Variants in BCL7A observed in about 807,000 individuals in gnomAD.
BCL7A encodes B-cell CLL/lymphoma 7 protein family member A.
BCL7A carries 11 observed loss-of-function variants against 28.4 expected under a neutral mutation model. The ratio of observed to expected loss-of-function variants is 0.39; its 90% CI spans 0.24 to 0.64. The LOEUF is 0.64. Ranked by LOEUF, BCL7A falls within the 30% of genes least tolerant of loss-of-function variation. BCL7A has a pLI of 0.50. For missense variants in BCL7A, 222 were observed against 274.8 expected, an observed-to-expected ratio of 0.81 and a Z score of 1.36; for synonymous variants, 123 against 103.3, an observed-to-expected ratio of 1.19 and a Z score of -1.15.
rs944890419 is a variant in BCL7A at position 122,060,516 on chromosome 12, A to G, written c.*1353A>G. Reference sequence around the variant, plus strand: ...AGACGCCCCCTTGGACGAACTGCCTAATCGTTTGGTTCTGAGGCCTGGTTT... The same window carrying G: ...AGACGCCCCCTTGGACGAACTGCCTGATCGTTTGGTTCTGAGGCCTGGTTT... On this transcript the variant is annotated 3_prime_UTR_variant, in exon 6 of 6. Transcript: ENST00000261822. 1.3e-5 allele frequency: 3 copies of G among 232,964 alleles called. No homozygotes were observed. The highest frequency in any genetic ancestry group is 6.6e-5 in the African/African-American group (3 of 45,280). 14.4% of individuals were successfully genotyped at this position (232,964 alleles called of 1,614,324 possible).
intron 5 of BCL7A, among the ~76,000 whole-genome samples, chr12:122,057,835 C>A (rs1376244463): frequency 2.0e-5 from 3 of 152,292 alleles, no homozygotes; most frequent in African/African-American, 7.2e-5. Flanking sequence ...CTGTGCCCAG[C>A]CCTGCAGGAG....
At chr12:122,023,826 G>C (rs920602203) in intron 1 of BCL7A, among the ~76,000 whole-genome samples, 1 of 152,168 alleles carries the variant, frequency 6.6e-6, no homozygotes, top group Admixed American at 6.5e-5. Context: ...GCCCGGAGTT[G>C]CTCCCCTCCT....
In BCL7A at chr12:122,028,999, C is replaced by G. The variant is rs533154670; in HGVS notation, c.93-1701C>G. Among the ~76,000 whole-genome samples the G allele has an allele frequency of 4.6e-5, 7 of 152,242 alleles. No individual in the cohort carries two copies. The East Asian group carries it at 1.4e-3, about 29-fold the overall frequency. ...AGACGGGCCAGTGGACTTAGACACT[C>G]GTCTTTCCTGCATCGTTTCTGGGTG... is the stretch of plus-strand genomic sequence containing the variant. On this transcript the variant is annotated intron_variant, in intron 1 of 5. Transcript: ENST00000261822.
intron 4 of BCL7A, 149 bp downstream of exon 4, chr12:122,044,202 G>T (rs1008069508): frequency 2.2e-6 from 2 of 921,446 alleles, no homozygotes; most frequent in African/African-American, 1.7e-5. Context: ...ACATGGTCTC[G>T]TGGGGGAATT....
At chr12:122,030,154 C>T (rs555445036) in intron 1 of BCL7A, among the ~76,000 whole-genome samples, 1 of 152,330 alleles carries the variant, frequency 6.6e-6, no homozygotes, top group African/African-American at 2.4e-5. Context: ...GTCACCACTC[C>T]CTGGCTCTCC....
At chr12:122,046,597 C>G (rs569729518) in intron 4 of BCL7A, among the ~76,000 whole-genome samples, 2 of 152,342 alleles carry the variant, frequency 1.3e-5, no homozygotes, top group East Asian at 3.9e-4. Flanking sequence ...TGCAGACAGA[C>G]TCTATCCAGC....
intron 4 of BCL7A, among the ~76,000 whole-genome samples, chr12:122,051,317 G>A (rs1028514826): frequency 6.6e-6 from 1 of 152,164 alleles, no homozygotes; most frequent in African/African-American, 2.4e-5. Context: ...GGACAGACCC[G>A]TGTGGCCTTC....
intron 4 of BCL7A, among the ~76,000 whole-genome samples, chr12:122,045,271 G>C (rs1480222543): frequency 1.3e-5 from 2 of 152,106 alleles, no homozygotes; most frequent in Non-Finnish European, 2.9e-5. Context: ...ATTCCAGCTA[G>C]TCAGGAGGCT....
intron 2 of BCL7A, among the ~76,000 whole-genome samples, chr12:122,033,140 CTTT>C (rs36082754): frequency 1.4e-5 from 2 of 141,414 alleles, no homozygotes; most frequent in Non-Finnish European, 1.5e-5. Flanking sequence ...ATAGAAGTCA[CTTT>C]TTTTTTTTTT....
Position 122,061,282 on chromosome 12 carries a change from G to A in BCL7A, c.*2119G>A, listed in dbSNP as rs561271741. ...GGCGTAGGTGGCCCTGCCGTTGACCGCAGCCTCTCTGGACAGGCAAGGGGA... is the reference window on the plus strand; with the variant it reads ...GGCGTAGGTGGCCCTGCCGTTGACCACAGCCTCTCTGGACAGGCAAGGGGA... On this transcript the variant is annotated 3_prime_UTR_variant, in exon 6 of 6. Transcript: ENST00000261822. The A allele has an allele frequency of 5.6e-5, 13 of 230,712 alleles. No individual in the cohort carries two copies. The highest frequency in any genetic ancestry group is 1.8e-4 in the South Asian group (1 of 5,502). 14.3% of individuals were successfully genotyped at this position (230,712 alleles called of 1,614,324 possible). A position where few individuals can be genotyped will look rare whatever the true frequency, so the allele number is the denominator to read the frequency against.
rs188954512 is a variant in BCL7A at position 122,029,617 on chromosome 12, C to A, written c.93-1083C>A. ...CTGCCCCAACAGTGCCTGCTGGGCCCCTTAAATCCGCCAGCCTCCTAGCTG... is the reference window on the plus strand; with the variant it reads ...CTGCCCCAACAGTGCCTGCTGGGCCACTTAAATCCGCCAGCCTCCTAGCTG... On this transcript the variant is annotated intron_variant, in intron 1 of 5. Coordinates refer to ENST00000261822, the MANE Select transcript of BCL7A (RefSeq NM_001024808.3). The surrounding 1 kb of genome is among the most constrained non-coding windows in gnomAD (Gnocchi z 4.3). Among the ~76,000 whole-genome samples the A allele has an allele frequency of 1.3e-5, 2 of 152,292 alleles. No individual in the cohort carries two copies. The highest frequency in any genetic ancestry group is 3.9e-4 in the East Asian group (2 of 5,180).
chr12:122,022,516 G>T (rs1446261809), intron 1 of BCL7A, among the ~76,000 whole-genome samples: 1 of 144,890 alleles, frequency 6.9e-6, no homozygotes, highest in African/African-American at 2.5e-5. Flanking sequence ...GCTCGGGGCC[G>T]GCCCCAGAAG....
rs1428133247 is a variant in BCL7A at position 122,061,534 on chromosome 12, A to C, written c.*2371A>C. ...TCCGATGTGCTTCCTTCCCTGGCGC[A>C]GTCGCTCCTCGAGCCGCTGCCCCCC... On this transcript the variant is annotated 3_prime_UTR_variant, in exon 6 of 6. Coordinates refer to ENST00000261822, the MANE Select transcript of BCL7A (RefSeq NM_001024808.3). 1 of 231,862 alleles carries C rather than the reference A, an allele frequency of 4.3e-6. No homozygotes were observed. Among genetic ancestry groups the C allele is most frequent in the East Asian group, 6.1e-5 (1 of 16,474 alleles). The allele number at this position is 231,862 out of a possible 1,614,324, so 14.4% of individuals were successfully genotyped here.
At chr12:122,024,374 A>T (rs1883564106) in intron 1 of BCL7A, among the ~76,000 whole-genome samples, 1 of 151,698 alleles carries the variant, frequency 6.6e-6, no homozygotes, top group Non-Finnish European at 1.5e-5. Context: ...CTCCGAGAGC[A>T]CCGCGCCCTG....
At position 122,023,764 on chromosome 12, in the gene BCL7A, C is replaced by T. The variant is rs369424703; in HGVS notation, c.92+1581C>T. 3.9e-5 allele frequency among the ~76,000 whole-genome samples: 6 copies of T among 152,336 alleles called. No homozygotes were observed. In the East Asian group the frequency reaches 7.7e-4, roughly 20 times the overall value. On this transcript the variant is annotated intron_variant, in intron 1 of 5. Transcript: ENST00000261822. ...AGAAACAGCTGCAGGCCAACACACA[C>T]ACGCTGGAAAACAACCCGCAGCCCC... is the stretch of plus-strand genomic sequence containing the variant.
chr12:122,024,409 T>C (rs2135836169), intron 1 of BCL7A, among the ~76,000 whole-genome samples: 1 of 151,776 alleles, frequency 6.6e-6, no homozygotes, highest in Non-Finnish European at 1.5e-5. Flanking sequence ...TGTTGCTCAG[T>C]GTTGTCTGTG....
intron 2 of BCL7A, among the ~76,000 whole-genome samples, chr12:122,033,603 C>T (rs932657726): frequency 2.0e-5 from 3 of 151,822 alleles, no homozygotes; most frequent in East Asian, 3.9e-4. Flanking sequence ...TGAGCCACCA[C>T]GCCCAGCCAC....
intron 4 of BCL7A, among the ~76,000 whole-genome samples, chr12:122,048,922 G>A (rs967627858): frequency 1.3e-4 from 20 of 151,302 alleles, no homozygotes; most frequent in Non-Finnish European, 2.5e-4. Flanking sequence ...TCGGGAAGCT[G>A]AGGCAGGAGA....
In BCL7A at chr12:122,043,910, T is replaced by A. The variant is rs774529819; in HGVS notation, c.296T>A (p.Ile99Asn). Residue 99 changes from isoleucine (I) to asparagine (N), a missense_variant, in exon 4 of 6, where the codon ATC becomes AAC. Physicochemically the swap from Ile to Asn is moderately radical, Grantham distance 149. This residue lies in a region of BCL7A where 155 missense variants were observed against 145.7 expected (regional missense o/e 1.06). Coordinates refer to ENST00000261822, the MANE Select transcript of BCL7A (RefSeq NM_001024808.3). Reference sequence around the variant, plus strand: ...GACGATAACAGCAACCAGAGCTCCATCGCAGATGCCTCCCCCATCAAACAG... The same window carrying A: ...GACGATAACAGCAACCAGAGCTCCAACGCAGATGCCTCCCCCATCAAACAG... Reference protein sequence around the residue: ...MHDDNSNQSSIADASPIKQEN... With the variant: ...MHDDNSNQSSNADASPIKQEN... 1 of 1,613,750 alleles carries A rather than the reference T, an allele frequency of 6.2e-7. No homozygotes were observed. Among genetic ancestry groups the A allele is most frequent in the East Asian group, 2.2e-5 (1 of 44,868 alleles).
Sources: allele counts gnomAD v4.1 joint callset (sites outside exome capture counted in the v4.1 genomes callset), GRCh38; gene constraint gnomAD v4.1.1; regional missense constraint gnomAD v4.1.1; non-coding constraint Gnocchi (gnomAD v3.1); transcripts MANE v1.5; gene names NCBI Gene and HGNC (gene_info 2026-07-23, HGNC 2026-07-21).